KCNQ1: variants seen among roughly 807,000 people sequenced by gnomAD.
KCNQ1 encodes potassium voltage-gated channel subfamily Q member 1.
Under a neutral mutation model 72.4 loss-of-function variants are expected in KCNQ1, and 49 were observed. The ratio of observed to expected loss-of-function variants is 0.68; its 90% CI spans 0.54 to 0.86. The LOEUF is 0.86. KCNQ1 is among the 40% of genes least tolerant of loss of function. KCNQ1 has a pLI of 0.00. For missense variants in KCNQ1, 790 were observed against 945.1 expected (o/e 0.84, Z 2.15); for synonymous variants, 450 against 412.6 (o/e 1.09, Z -1.10).
intron 11 of KCNQ1, chr11:2,666,961 C>G (rs1383600156): frequency 2.5e-6 from 1 of 398,734 alleles, no homozygotes; most frequent in East Asian, 3.6e-5. Context: ...GCCAAGGAAG[C>G]CCTCTGGGGG....
chr11:2,796,540 T>TC (rs887101093), intron 15 of KCNQ1, among the ~76,000 whole-genome samples: 2 of 152,084 alleles, frequency 1.3e-5, no homozygotes, highest in Non-Finnish European at 2.9e-5. Context: ...CCTCATTTCC[T>TC]CACTCTCACA....
rs2074239 is a variant in KCNQ1, at chr11:2,463,862, C to T, written c.386+18378C>T. On this transcript the variant is annotated intron_variant, in intron 1 of 15. Transcript: ENST00000155840. The surrounding 1 kb of genome is among the most constrained non-coding windows in gnomAD (Gnocchi z 7.0). ...TCCCTGTAGGTGCTTGTGTAGATGC[C>T]CCCGTGCGGGGACTTGTTTGGCTGA... Among the ~76,000 whole-genome samples the T allele has an allele frequency of 0.27, 41,556 of 152,068 alleles. 6,311 individuals carry two copies. Among genetic ancestry groups the T allele is most frequent in the African/African-American group, 0.39 (16,100 of 41,468 alleles).
intron 11 of KCNQ1, among the ~76,000 whole-genome samples, chr11:2,716,290 C>T (rs1163823042): frequency 1.3e-5 from 2 of 152,142 alleles, no homozygotes; most frequent in African/African-American, 4.8e-5. Flanking sequence ...GAAGCGCCCA[C>T]ACCTACCCTC....
intron 15 of KCNQ1, among the ~76,000 whole-genome samples, chr11:2,797,946 T>C (rs1236866458): frequency 6.6e-6 from 1 of 152,210 alleles, no homozygotes; most frequent in African/African-American, 2.4e-5. Flanking sequence ...CTCAGGGTCA[T>C]GGCCAACCCA....
chr11:2,577,322 A>G (rs12282937), intron 6 of KCNQ1, among the ~76,000 whole-genome samples: 72,607 of 152,084 alleles, frequency 0.48, 18,210 homozygotes, highest in East Asian at 0.82. Flanking sequence ...GCACCGCCGG[A>G]GTGTCCCTGC....
At chr11:2,590,193 G>A (rs746334991) in intron 10 of KCNQ1, among the ~76,000 whole-genome samples, 3 of 152,190 alleles carry the variant, frequency 2.0e-5, no homozygotes, top group East Asian at 1.9e-4. Context: ...GGACAGGGGC[G>A]TGCACCTTGT....
intron 11 of KCNQ1, among the ~76,000 whole-genome samples, chr11:2,729,938 G>A (rs1171723479): frequency 6.6e-6 from 1 of 152,202 alleles, no homozygotes; most frequent in Non-Finnish European, 1.5e-5. Context: ...CATGGTGTCA[G>A]GGCTAAGAGC....
Position 2,617,134 on chromosome 11 carries a change from TACTA to T in KCNQ1, c.1393+28285_1393+28288del. 5.0e-6 allele frequency: 2 copies of T among 398,344 alleles called. No individual in the cohort carries two copies. Among genetic ancestry groups the T allele is most frequent in the South Asian group, 1.3e-4 (1 of 7,854 alleles). 24.7% of individuals were successfully genotyped at this position (398,344 alleles called of 1,614,324 possible). ...ATTGGCAAAAATTCCAAATGCAATA[TACTA>T]ACTATTCTCATGTTCTACATGAGAT... On this transcript the variant is annotated intron_variant, in intron 10 of 15. Transcript: ENST00000155840. This position sits in a 1 kb window ranked among gnomAD's most constrained non-coding sequence, Gnocchi z 4.6.
At chr11:2,586,560 G>A (rs1320589218) in intron 8 of KCNQ1, among the ~76,000 whole-genome samples, 1 of 152,190 alleles carries the variant, frequency 6.6e-6, no homozygotes, top group Non-Finnish European at 1.5e-5. Flanking sequence ...GAGGACTGGA[G>A]TAGGGGCCCC....
chr11:2,630,624 A>G (rs1849337548), intron 10 of KCNQ1: 1 of 398,330 alleles, frequency 2.5e-6, no homozygotes, highest in East Asian at 3.6e-5. Flanking sequence ...ATATACTACC[A>G]TTACACTATT....
chr11:2,769,615 C>T lies in KCNQ1; in HGVS notation c.1590+696C>T, dbSNP rs1482801432. 6.6e-6 allele frequency among the ~76,000 whole-genome samples: 1 copy of T among 152,170 alleles called. No individual in the cohort carries two copies. The highest frequency in any genetic ancestry group is 6.5e-5 in the Admixed American group (1 of 15,278). On this transcript the variant is annotated intron_variant, in intron 12 of 15. Transcript: ENST00000155840. The surrounding 1 kb of genome is among the most constrained non-coding windows in gnomAD (Gnocchi z 4.6). ...CTTGGGGACATTCCTCGGATGAAGG[C>T]GGTGGTGGGGGGTACTGAGTCCTGG...
chr11:2,465,657 A>AG (rs1846341741), intron 1 of KCNQ1, among the ~76,000 whole-genome samples: 1 of 151,786 alleles, frequency 6.6e-6, no homozygotes, highest in Non-Finnish European at 1.5e-5. Context: ...GGAATTGGAG[A>AG]GGGGAGGGGT....
chr11:2,842,666 C>T (rs1329524195), intron 15 of KCNQ1, among the ~76,000 whole-genome samples: 6 of 152,166 alleles, frequency 3.9e-5, no homozygotes, highest in African/African-American at 1.4e-4. Context: ...GTACGAGGTA[C>T]ACATATGTGG....
At chr11:2,655,417 C>T (rs1195040987) in intron 10 of KCNQ1, 1 of 398,556 alleles carries the variant, frequency 2.5e-6, no homozygotes, top group Non-Finnish European at 4.4e-6. Context: ...CTCTTTGTCC[C>T]CAGGGCCAGC....
Position 2,661,713 on chromosome 11 carries a change from C to T in KCNQ1, c.1394-248C>T, listed in dbSNP as rs1849959123. 2 of 610,756 alleles carry T rather than the reference C, an allele frequency of 3.3e-6. No homozygotes were observed. Among genetic ancestry groups the T allele is most frequent in the Admixed American group, 2.7e-5 (1 of 36,508 alleles). The allele number at this position is 610,756 out of a possible 1,614,324, so 37.8% of individuals were successfully genotyped here. ...TTGGACACCTGAGCACAGCCCCAGG[C>T]ACAGTTACCACTCCGAAGATGATTC... is the stretch of plus-strand genomic sequence containing the variant. On this transcript the variant is annotated intron_variant, in intron 10 of 15. Transcript: ENST00000155840. The surrounding 1 kb of genome is among the most constrained non-coding windows in gnomAD (Gnocchi z 5.9).
At chr11:2,556,170 C>T (rs985324311) in intron 2 of KCNQ1, among the ~76,000 whole-genome samples, 16 of 152,202 alleles carry the variant, frequency 1.1e-4, no homozygotes, top group South Asian at 2.1e-4. Context: ...CAGCGCCCCC[C>T]GGCCGGCAAG....
rs752520803 is a variant in KCNQ1, at chr11:2,584,419, TAGTG to T, written c.1033-792_1033-789del. ...TGGGTTTGTGTTTGTGTTTCTGTGT[TAGTG>T]TGTGTGTTAGTGTGCGTTAGTTTGT... On this transcript the variant is annotated intron_variant, in intron 7 of 15. Coordinates refer to ENST00000155840, the MANE Select transcript of KCNQ1 (RefSeq NM_000218.3). Among the ~76,000 whole-genome samples the T allele has an allele frequency of 5.6e-4, 84 of 148,810 alleles. 2 individuals are homozygous for T. The Middle Eastern group carries it at 0.021, about 37-fold the overall frequency.
At position 2,527,000 on chromosome 11, in the gene KCNQ1, C is replaced by T. The variant is rs550614408; in HGVS notation, c.387-928C>T. On this transcript the variant is annotated intron_variant, in intron 1 of 15. Transcript: ENST00000155840. This position sits in a 1 kb window ranked among gnomAD's most constrained non-coding sequence, Gnocchi z 6.1. ...GGGGGTCCCTGGAGTCTCCGGAGCCCGTGGGAATCCCCCTAGAGGCGGGAG... is the reference window on the plus strand; with the variant it reads ...GGGGGTCCCTGGAGTCTCCGGAGCCTGTGGGAATCCCCCTAGAGGCGGGAG... 4.6e-5 allele frequency among the ~76,000 whole-genome samples: 7 copies of T among 152,226 alleles called. No individual in the cohort carries two copies. In the South Asian group the frequency reaches 6.2e-4, roughly 14 times the overall value.
intron 11 of KCNQ1, among the ~76,000 whole-genome samples, chr11:2,719,687 G>A (rs1851170879): frequency 6.6e-6 from 1 of 152,180 alleles, no homozygotes; most frequent in South Asian, 2.1e-4. Flanking sequence ...AACCAGGGCA[G>A]GACAGTGTAG....
Sources: gnomAD v4.1 joint callset for allele counts (sites outside exome capture counted in the v4.1 genomes callset) on GRCh38, gnomAD v4.1.1 for gene constraint, Gnocchi (gnomAD v3.1) non-coding constraint, MANE v1.5 for transcripts, NCBI Gene and HGNC (gene_info 2026-07-23, HGNC 2026-07-21) for gene names.